GANC: variants seen among roughly 807,000 people sequenced by gnomAD.
GANC encodes neutral alpha-glucosidase C.
Under a neutral mutation model 124.2 loss-of-function variants are expected in GANC, and 117 were observed. That is an observed-to-expected ratio of 0.94 (90% CI 0.81 to 1.10). The LOEUF is 1.10. Among genes scored for constraint, GANC ranks in the 50% least tolerant of loss-of-function variants. The probability of loss-of-function intolerance (pLI) is 0.00; values close to 1 mark genes in which losing one functional copy is unlikely to be tolerated. For missense variants in GANC, 1,140 were observed against 1,095.0 expected (o/e 1.04, Z -0.58); for synonymous variants, 377 against 376.8 (o/e 1.00, Z -0.01).
intron 10 of GANC, chr15:42,314,820 T>A (rs2052088664): frequency 6.6e-6 from 1 of 152,284 alleles, no homozygotes; most frequent in African/African-American, 2.4e-5. Context: ...GAATAAATAT[T>A]GTGGCCTTAC....
At chr15:42,284,639 AT>A (rs2051768694) in intron 3 of GANC, among the ~76,000 whole-genome samples, 1 of 152,060 alleles carries the variant, frequency 6.6e-6, no homozygotes. Context: ...CACATCTTAA[AT>A]TTTTTAAAGA....
At chr15:42,330,714 C>CTT in intron 15 of GANC, 42 bp downstream of exon 15, 3 of 1,273,560 alleles carry the variant, frequency 2.4e-6, no homozygotes, top group Admixed American at 2.2e-5. Flanking sequence ...ACATTAGCAA[C>CTT]TTTTTTTTTA....
intron 15 of GANC, among the ~76,000 whole-genome samples, chr15:42,335,791 A>G (rs948661061): frequency 6.6e-5 from 10 of 152,190 alleles, no homozygotes; most frequent in Non-Finnish European, 1.3e-4. Context: ...AAATCAACAT[A>G]TAATAATCAT....
intron 11 of GANC, among the ~76,000 whole-genome samples, chr15:42,325,655 C>T (rs1189101081): frequency 6.6e-6 from 1 of 151,966 alleles, no homozygotes; most frequent in Non-Finnish European, 1.5e-5. Context: ...TAGTATGCAG[C>T]ACTCAGCATC....
chr15:42,278,664 C>A (rs2051700933), intron 3 of GANC, 74 bp downstream of exon 3: 2 of 1,028,494 alleles, frequency 1.9e-6, no homozygotes, highest in Non-Finnish European at 2.9e-6. Context: ...TAAATTAAAG[C>A]TATGTATGCT....
chr15:42,343,197 C>T (rs570883940), intron 19 of GANC, 43 bp downstream of exon 19: 128,839 of 1,495,190 alleles, frequency 0.086, 6,626 homozygotes, highest in South Asian at 0.2. Flanking sequence ...TCTCATATCT[C>T]TCATCCCTTC....
In GANC at chr15:42,329,355, TC is replaced by T; in HGVS notation, c.1551del (p.Phe518LeufsTer39). The T allele has an allele frequency of 6.2e-7, 1 of 1,614,000 alleles. No homozygotes were observed. The highest frequency in any genetic ancestry group is 8.5e-7 in the Non-Finnish European group (1 of 1,179,930). On this transcript the variant is annotated frameshift_variant, in exon 14 of 24. Transcript: ENST00000318010. LOFTEE classifies it high-confidence loss of function. ...FLWNDMNEPS[V>X]FRGPEQTMQK... ...TGGAATGACATGAATGAGCCTTCTG[TC>T]TTTAGAGGGCCAGAGCAAACCATGC...
intron 5 of GANC, among the ~76,000 whole-genome samples, chr15:42,295,727 C>T (rs984425763): frequency 1.3e-5 from 2 of 151,406 alleles, no homozygotes; most frequent in Non-Finnish European, 2.9e-5. Context: ...TCCAGTTTCC[C>T]GTCTGGCATG....
intron 20 of GANC, among the ~76,000 whole-genome samples, chr15:42,346,415 GA>G (rs995368875): frequency 6.6e-6 from 1 of 152,134 alleles, no homozygotes; most frequent in Non-Finnish European, 1.5e-5. Flanking sequence ...TTGGGGTGAT[GA>G]AAATGCTTTA....
chr15:42,330,715 T>A, intron 15 of GANC, 43 bp downstream of exon 15: 1 of 1,211,980 alleles, frequency 8.3e-7, no homozygotes, highest in Non-Finnish European at 1.2e-6. Flanking sequence ...CATTAGCAAC[T>A]TTTTTTTTAA....
intron 19 of GANC, among the ~76,000 whole-genome samples, chr15:42,343,844 G>C (rs1490578290): frequency 1.3e-5 from 2 of 152,118 alleles, no homozygotes; most frequent in Admixed American, 1.3e-4. Context: ...CAAAACTCAG[G>C]TCACCAGACT....
chr15:42,341,376 G>A (rs1440590809), intron 18 of GANC, among the ~76,000 whole-genome samples: 1 of 152,138 alleles, frequency 6.6e-6, no homozygotes, highest in Non-Finnish European at 1.5e-5. Flanking sequence ...AAACAGCCCA[G>A]GTGGTGATAG....
chr15:42,305,592 C>T lies in GANC; in HGVS notation c.559-954C>T, dbSNP rs143381278. On this transcript the variant is annotated intron_variant, in intron 6 of 23. Transcript: ENST00000318010. The stretch of plus-strand genomic sequence containing the variant: ...ACCATCGGACCCAGCCATCCCATTA[C>T]TGGGTATATTTCTAAAGAATTATAA... Among the ~76,000 whole-genome samples, 105 of 152,330 alleles carry T rather than the reference C, an allele frequency of 6.9e-4. 1 individual carries two copies. In the East Asian group the frequency reaches 0.017, roughly 25 times the overall value.
intron 15 of GANC, among the ~76,000 whole-genome samples, chr15:42,333,184 C>T (rs1392668956): frequency 3.3e-5 from 5 of 149,798 alleles, no homozygotes; most frequent in Non-Finnish European, 7.4e-5. Flanking sequence ...GAAAATGAGC[C>T]AGGCATAGTG....
chr15:42,312,222 A>G lies in GANC; in HGVS notation c.1057+1376A>G, dbSNP rs1306749602. The stretch of plus-strand genomic sequence containing the variant: ...CTGAATAGCCAAAACAATCCTTAAA[A>G]AGAGAAACAAAGTTGAAAAATTTAT... On this transcript the variant is annotated intron_variant, in intron 10 of 23. Transcript: ENST00000318010. Among the ~76,000 whole-genome samples the G allele has an allele frequency of 3.3e-5, 5 of 152,340 alleles. No individual in the cohort carries two copies. In the South Asian group the frequency reaches 6.2e-4, roughly 19 times the overall value.
chr15:42,274,589 T>C (rs1202914866), intron 1 of GANC, 79 bp downstream of exon 1: 6 of 1,356,758 alleles, frequency 4.4e-6, no homozygotes, highest in African/African-American at 1.5e-5. Context: ...GCATTTCTTA[T>C]TTGCGTATTT....
chr15:42,294,518 T>A (rs1418948488), intron 5 of GANC, among the ~76,000 whole-genome samples: 1 of 141,672 alleles, frequency 7.1e-6, no homozygotes, highest in African/African-American at 2.7e-5. Context: ...GAGGTTGCAG[T>A]GAGCTGAGAT....
intron 19 of GANC, among the ~76,000 whole-genome samples, chr15:42,345,476 G>C (rs2052356462): frequency 6.6e-6 from 1 of 152,088 alleles, no homozygotes; most frequent in South Asian, 2.1e-4. Flanking sequence ...TGTATATTCA[G>C]CACCTGGCAC....
intron 15 of GANC, among the ~76,000 whole-genome samples, chr15:42,334,470 A>T (rs1488892336): frequency 6.6e-6 from 1 of 152,172 alleles, no homozygotes. Context: ...CCAGTAGAAA[A>T]TCTTTATGGC....
Sources: allele counts gnomAD v4.1 joint callset (sites outside exome capture counted in the v4.1 genomes callset), GRCh38; gene constraint gnomAD v4.1.1; transcripts MANE v1.5; gene names NCBI Gene and HGNC (gene_info 2026-07-23, HGNC 2026-07-21).